Variants in DAG1 observed in about 807,000 individuals in gnomAD.
DAG1 encodes dystroglycan 1 (dystrophin-associated glycoprotein 1).
DAG1 carries 8 observed loss-of-function variants against 46.1 expected under a neutral mutation model. That is an observed-to-expected ratio of 0.17 (90% CI 0.10 to 0.31). The LOEUF (loss-of-function observed/expected upper bound fraction) is 0.31. Ranked by LOEUF, DAG1 falls within the 10% of genes least tolerant of loss-of-function variation. The pLI is 1.00. For synonymous variants in DAG1, 495 were observed against 481.8 expected (o/e 1.03, Z -0.36); for missense variants, 1,003 against 1,189.9 (o/e 0.84, Z 2.31).
chr3:49,532,887 C>T lies in DAG1; in HGVS notation c.2376C>T (p.Ile792=). ...KLTLEDQATF[I]KKGVPIIFAD... ...CCCTTGAGGACCAGGCCACCTTCAT[C>T]AAGAAGGGGGTGCCTATCATCTTTG... The change falls in exon 3 of 3, where the codon ATC becomes ATT. Residue 792 remains isoleucine (I), a synonymous_variant. Transcript: ENST00000308775. The surrounding 1 kb of genome is among the most constrained non-coding windows in gnomAD (Gnocchi z 5.4). 1 of 1,614,148 alleles carries T rather than the reference C, an allele frequency of 6.2e-7. No individual in the cohort carries two copies. Among genetic ancestry groups the T allele is most frequent in the South Asian group, 1.1e-5 (1 of 91,090 alleles).
chr3:49,510,132 TATC>T (rs756720807), intron 1 of DAG1: 10 of 424,102 alleles, frequency 2.4e-5, no homozygotes, highest in South Asian at 1.0e-4. Context: ...TACTAATACA[TATC>T]ATTTCAGTTT....
Position 49,532,589 on chromosome 3 carries a change from C to T in DAG1, c.2078C>T (p.Ser693Phe). The change falls in exon 3 of 3, where the codon TCC becomes TTC. Residue 693 changes from serine (S) to phenylalanine (F), a missense_variant. This residue lies in a region of DAG1 where 755 missense variants were observed against 854.1 expected (regional missense o/e 0.88). Transcript: ENST00000308775. This position sits in a 1 kb window ranked among gnomAD's most constrained non-coding sequence, Gnocchi z 5.4. The part of the protein sequence containing the change: ...EDDGKPRPAF[S>F]NALEPDFKAT... Reference sequence around the variant, plus strand: ...GATGGAAAACCTCGGCCTGCCTTCTCCAACGCCCTAGAGCCTGACTTTAAG... The same window carrying T: ...GATGGAAAACCTCGGCCTGCCTTCTTCAACGCCCTAGAGCCTGACTTTAAG... 1.9e-6 allele frequency: 3 copies of T among 1,612,654 alleles called. No individual in the cohort carries two copies. Among genetic ancestry groups the T allele is most frequent in the Non-Finnish European group, 2.5e-6 (3 of 1,178,842 alleles).
intron 1 of DAG1, among the ~76,000 whole-genome samples, chr3:49,474,078 C>T (rs1053030706): frequency 3.3e-5 from 5 of 151,536 alleles, no homozygotes; most frequent in Non-Finnish European, 7.4e-5. Context: ...TTTTTGAGAC[C>T]GAGTCTTGCT....
chr3:49,487,692 C>CAT (rs1244778811), intron 1 of DAG1, among the ~76,000 whole-genome samples: 1 of 105,718 alleles, frequency 9.5e-6, no homozygotes, highest in Non-Finnish European at 1.8e-5. Context: ...CCCATACATT[C>CAT]TTTTTTTTTT....
chr3:49,528,440 A>G (rs144932003), intron 2 of DAG1, among the ~76,000 whole-genome samples: 1 of 151,676 alleles, frequency 6.6e-6, no homozygotes, highest in East Asian at 1.9e-4. Context: ...GTGCACCACC[A>G]TGCCTGGCTA....
At chr3:49,499,993 G>A (rs909430339) in intron 1 of DAG1, among the ~76,000 whole-genome samples, 2 of 87,958 alleles carry the variant, frequency 2.3e-5, no homozygotes. Context: ...TTTTTTTTTT[G>A]AGACAGAATC....
intron 1 of DAG1, among the ~76,000 whole-genome samples, chr3:49,477,401 C>T (rs1012849104): frequency 1.3e-5 from 2 of 152,156 alleles, no homozygotes; most frequent in Non-Finnish European, 2.9e-5. Flanking sequence ...AAGCCATCCT[C>T]CCACCTTGGC....
intron 2 of DAG1, among the ~76,000 whole-genome samples, chr3:49,526,861 A>G (rs2051185766): frequency 6.6e-6 from 1 of 150,852 alleles, no homozygotes; most frequent in Admixed American, 6.6e-5. Flanking sequence ...CGTTTTCTTT[A>G]GTGTTTATTG....
intron 2 of DAG1, among the ~76,000 whole-genome samples, chr3:49,514,803 ATATG>A (rs1199560333): frequency 5.4e-4 from 64 of 119,176 alleles, no homozygotes; most frequent in African/African-American, 2.1e-3. Context: ...CACTCCTGGC[ATATG>A]TGTGTGTGTG....
chr3:49,518,763 C>G (rs1400998334), intron 2 of DAG1, among the ~76,000 whole-genome samples: 1 of 152,236 alleles, frequency 6.6e-6, no homozygotes, highest in East Asian at 1.9e-4. Context: ...CACACATGGA[C>G]TGCTTTGACC....
intron 1 of DAG1, among the ~76,000 whole-genome samples, chr3:49,486,965 C>T (rs2050052392): frequency 1.3e-5 from 2 of 152,174 alleles, no homozygotes; most frequent in Non-Finnish European, 2.9e-5. Context: ...TCTTGGCTCA[C>T]TGGATCCTCT....
intron 1 of DAG1, 27 bp from the exon 2 acceptor site, chr3:49,510,392 C>A: frequency 1.2e-6 from 1 of 841,574 alleles, no homozygotes. Context: ...TTGCTCAAGT[C>A]TAAACCTGCT....
chr3:49,508,452 G>A (rs527829040), intron 1 of DAG1, among the ~76,000 whole-genome samples: 2 of 152,196 alleles, frequency 1.3e-5, no homozygotes, highest in Admixed American at 1.3e-4. Flanking sequence ...AGGCTAGAGT[G>A]CAGTGGTGCA....
intron 1 of DAG1, among the ~76,000 whole-genome samples, chr3:49,482,751 G>C (rs1280299039): frequency 1.3e-5 from 2 of 152,130 alleles, no homozygotes; most frequent in East Asian, 3.8e-4. Context: ...GGATACCGAG[G>C]GAAGAGTTTG....
chr3:49,478,284 A>AG (rs1168815093), intron 1 of DAG1, among the ~76,000 whole-genome samples: 2 of 149,996 alleles, frequency 1.3e-5, no homozygotes. Context: ...AAAAAAAAAA[A>AG]AAAAAGAAAA....
intron 1 of DAG1, among the ~76,000 whole-genome samples, chr3:49,478,195 A>G (rs1213757999): frequency 2.0e-5 from 3 of 149,594 alleles, no homozygotes; most frequent in East Asian, 2.0e-4. Context: ...TGAATCTTGA[A>G]TCTGGGAGGC....
chr3:49,504,761 A>ATT (rs57684297), intron 1 of DAG1, among the ~76,000 whole-genome samples: 1,307 of 89,888 alleles, frequency 0.015, 11 homozygotes, highest in East Asian at 0.037. Context: ...CGCCCAGCTA[A>ATT]TTTTTTTTTT....
intron 1 of DAG1, among the ~76,000 whole-genome samples, chr3:49,482,679 A>G (rs573849932): frequency 6.6e-6 from 1 of 152,238 alleles, no homozygotes; most frequent in Admixed American, 6.5e-5. Flanking sequence ...CAAATATTAC[A>G]CCATTTTATA....
rs1481587861 is a variant in DAG1, at chr3:49,531,052, G to A, written c.541G>A (p.Ala181Thr). 6.2e-7 allele frequency: 1 copy of A among 1,614,218 alleles called. No individual in the cohort carries two copies. The part of the protein sequence containing the change: ...SPDPGEVVSS[A>T]CAADEPVTVL... ...AGACCCTGGTGAGGTGGTATCATCT[G>A]CCTGTGCTGCGGATGAACCTGTGAC... Residue 181 changes from alanine to threonine, a missense_variant, in exon 3 of 3, where the codon GCC (alanine) becomes ACC (threonine). Coordinates refer to ENST00000308775, the MANE Select transcript of DAG1 (RefSeq NM_004393.6). This position sits in a 1 kb window ranked among gnomAD's most constrained non-coding sequence, Gnocchi z 7.0.
Sources: gnomAD v4.1 joint callset for allele counts (sites outside exome capture counted in the v4.1 genomes callset) on GRCh38, gnomAD v4.1.1 for gene constraint, gnomAD v4.1.1 regional missense constraint, Gnocchi (gnomAD v3.1) non-coding constraint, MANE v1.5 for transcripts, NCBI Gene and HGNC (gene_info 2026-07-23, HGNC 2026-07-21) for gene names.